Variants in PATL1 observed in about 807,000 individuals in gnomAD.
PATL1 encodes the protein PAT1 homolog 1, processing body mRNA decay factor, also known as protein PAT1 homolog 1.
PATL1 carries 32 observed loss-of-function variants against 100.6 expected under a neutral mutation model. That is an observed-to-expected ratio of 0.32 (90% CI 0.24 to 0.43). The LOEUF (loss-of-function observed/expected upper bound fraction) is 0.43, where lower values mean the gene tolerates loss of function less well. PATL1 is among the 20% of genes least tolerant of loss of function. The probability of loss-of-function intolerance (pLI) is 1.00; values close to 1 mark genes in which losing one functional copy is unlikely to be tolerated. For synonymous variants in PATL1, 332 were observed against 330.0 expected, an observed-to-expected ratio of 1.01 and a Z score of -0.07; for missense variants, 747 against 949.9, an observed-to-expected ratio of 0.79 and a Z score of 2.81.
At chr11:59,644,776 C>G (rs1220954682) in intron 15 of PATL1, among the ~76,000 whole-genome samples, 1 of 151,840 alleles carries the variant, frequency 6.6e-6, no homozygotes, top group East Asian at 1.9e-4. Context: ...CCAAGAAGAG[C>G]TAGGTATGGT....
At position 59,652,998 on chromosome 11, in the gene PATL1, C is replaced by A. The variant is rs368720503; in HGVS notation, c.1142G>T (p.Gly381Val). The A allele has an allele frequency of 1.2e-6, 2 of 1,613,004 alleles. No homozygotes were observed. The highest frequency in any genetic ancestry group is 1.7e-6 in the Non-Finnish European group (2 of 1,179,156). ...QNRSQHRNLN[G>V]AGDRGSHRSS... ...CCGGTGACTTCCTCTATCTCCCGCA[C>A]CATTGAGATTCCGATGCTGACTGAA... The change falls in exon 10 of 19, where the codon GGT becomes GTT. Residue 381 changes from glycine to valine, a missense_variant. Coordinates refer to ENST00000300146, the MANE Select transcript of PATL1 (RefSeq NM_152716.3).
rs201973081 is a variant in PATL1, at chr11:59,647,885, T to C, written c.1762A>G (p.Met588Val). Residue 588 changes from methionine to valine, a missense_variant, in exon 15 of 19, where the codon ATG (methionine) becomes GTG (valine). Met to Val is a conservative substitution (Grantham distance 21). Coordinates refer to ENST00000300146, the MANE Select transcript of PATL1 (RefSeq NM_152716.3). ...RPSDDHFVQI[M>V]CIRKGKRMVA... is the part of the protein sequence containing the mutation. ...ATTCTCTTCCCTTTTCGGATACACA[T>C]GATCTGTACAAAGTGGTCATCACTA... 1 of 1,613,898 alleles carries C rather than the reference T, an allele frequency of 6.2e-7. No homozygotes were observed. The highest frequency in any genetic ancestry group is 1.3e-5 in the African/African-American group (1 of 75,040).
In PATL1 at chr11:59,653,033, C is replaced by T; in HGVS notation, c.1122-15G>A. 6.3e-7 allele frequency: 1 copy of T among 1,596,182 alleles called. No homozygotes were observed. The highest frequency in any genetic ancestry group is 8.6e-7 in the Non-Finnish European group (1 of 1,166,904). On this transcript the variant is annotated splice_polypyrimidine_tract_variant and intron_variant, in intron 9 of 18. Coordinates refer to ENST00000300146, the MANE Select transcript of PATL1 (RefSeq NM_152716.3). ...TCCGATGCTGACTGAAAAACATACA[C>T]CACATTCATTCCATGTGGGCAAATT... is the stretch of plus-strand genomic sequence containing the variant.
intron 4 of PATL1, among the ~76,000 whole-genome samples, 165 bp from the exon 5 acceptor site, chr11:59,657,889 G>GT (rs1232340628): frequency 6.6e-6 from 1 of 151,972 alleles, no homozygotes; most frequent in Non-Finnish European, 1.5e-5. Flanking sequence ...TCTGAGTTTG[G>GT]TAAGCGGCTC....
chr11:59,659,580 G>T (rs996644646), intron 2 of PATL1, 111 bp from the exon 3 acceptor site: 3 of 1,009,202 alleles, frequency 3.0e-6, no homozygotes, highest in African/African-American at 3.3e-5. Context: ...CGCCCAGGCT[G>T]CAGTGCAGTG....
intron 2 of PATL1, among the ~76,000 whole-genome samples, chr11:59,665,595 C>T (rs1861675332): frequency 1.3e-5 from 2 of 151,434 alleles, no homozygotes; most frequent in Non-Finnish European, 1.5e-5. Flanking sequence ...GTCAGGAGTT[C>T]ATGACCACCC....
chr11:59,644,890 CTT>C (rs71036539), intron 15 of PATL1, among the ~76,000 whole-genome samples: 4 of 83,800 alleles, frequency 4.8e-5, no homozygotes, highest in African/African-American at 2.1e-4. Flanking sequence ...ACTTCGTTTC[CTT>C]TTTTTTTTTT....
At chr11:59,668,295 A>G (rs114626450) in intron 1 of PATL1, among the ~76,000 whole-genome samples, 3,569 of 152,020 alleles carry the variant, frequency 0.023, 141 homozygotes, top group African/African-American at 0.082. Context: ...CCTTCTCCAA[A>G]CCCGCGTCTC....
chr11:59,663,746 G>A (rs1861655047), intron 2 of PATL1, among the ~76,000 whole-genome samples: 1 of 152,054 alleles, frequency 6.6e-6, no homozygotes, highest in South Asian at 2.1e-4. Flanking sequence ...CTTAAGGAAA[G>A]GTGACCATTT....
chr11:59,637,032 GTACAA>G lies in PATL1; in HGVS notation c.*1353_*1357del. 1 of 152,724 alleles carries G rather than the reference GTACAA, an allele frequency of 6.5e-6. No individual in the cohort carries two copies. Among genetic ancestry groups the G allele is most frequent in the Non-Finnish European group, 1.5e-5 (1 of 68,026 alleles). 9.5% of individuals were successfully genotyped at this position (152,724 alleles called of 1,614,324 possible). A position where few individuals can be genotyped will look rare whatever the true frequency, so the allele number is the denominator to read the frequency against. Reference sequence around the variant, plus strand: ...GGTTTTAACAGAGGATCTTACTGTTGTACAATACATGTATGTGCAAAATGTTTATT... The same window carrying G: ...GGTTTTAACAGAGGATCTTACTGTTGTACATGTATGTGCAAAATGTTTATT... On this transcript the variant is annotated 3_prime_UTR_variant, in exon 19 of 19. Transcript: ENST00000300146.
At chr11:59,668,162 C>T (rs1003767566) in intron 1 of PATL1, among the ~76,000 whole-genome samples, 1 of 152,196 alleles carries the variant, frequency 6.6e-6, no homozygotes, top group African/African-American at 2.4e-5. Flanking sequence ...GGATCATTTA[C>T]ATCAGTTCTT....
intron 2 of PATL1, 47 bp from the exon 3 acceptor site, chr11:59,659,516 A>G: frequency 6.7e-7 from 1 of 1,503,594 alleles, no homozygotes; most frequent in Non-Finnish European, 8.9e-7. Context: ...TAGTGGTACA[A>G]AAAAGTTTTA....
chr11:59,660,029 A>G (rs1306728290), intron 2 of PATL1, among the ~76,000 whole-genome samples: 7 of 152,234 alleles, frequency 4.6e-5, no homozygotes, highest in Admixed American at 4.6e-4. Flanking sequence ...AACATTATCA[A>G]TAATGTCCAA....
chr11:59,660,194 A>G (rs1216333741), intron 2 of PATL1, among the ~76,000 whole-genome samples: 3 of 152,226 alleles, frequency 2.0e-5, no homozygotes, highest in Non-Finnish European at 4.4e-5. Context: ...TAAGTGCCAC[A>G]TTCTTTACAT....
intron 2 of PATL1, among the ~76,000 whole-genome samples, chr11:59,662,096 A>C (rs917820442): frequency 6.6e-6 from 1 of 152,226 alleles, no homozygotes; most frequent in Admixed American, 6.5e-5. Flanking sequence ...GATGTATCAC[A>C]TAATACTAGT....
intron 11 of PATL1, among the ~76,000 whole-genome samples, chr11:59,651,911 A>C (rs1249044241): frequency 1.3e-5 from 2 of 151,786 alleles, no homozygotes; most frequent in Non-Finnish European, 2.9e-5. Flanking sequence ...CTAAAAATAC[A>C]AAAATTAGCT....
intron 15 of PATL1, among the ~76,000 whole-genome samples, chr11:59,646,991 A>C (rs1861373852): frequency 6.6e-6 from 1 of 152,092 alleles, no homozygotes; most frequent in South Asian, 2.1e-4. Context: ...AGGCCAAGGC[A>C]AGAGGACTGC....
At chr11:59,652,440 G>T (rs1472679661) in intron 11 of PATL1, 24 bp downstream of exon 11, 1 of 1,587,922 alleles carries the variant, frequency 6.3e-7, no homozygotes. Context: ...TTTATTATGG[G>T]CATTTTTCTT....
chr11:59,647,944 A>G, intron 14 of PATL1, 31 bp from the exon 15 acceptor site: 1 of 1,566,078 alleles, frequency 6.4e-7, no homozygotes, highest in Non-Finnish European at 8.7e-7. Flanking sequence ...AGCTTAGGTC[A>G]GCAAGAACAA....
Sources: gnomAD v4.1 joint callset for allele counts (sites outside exome capture counted in the v4.1 genomes callset) on GRCh38, gnomAD v4.1.1 for gene constraint, MANE v1.5 for transcripts, NCBI Gene and HGNC (gene_info 2026-07-23, HGNC 2026-07-21) for gene names.